Variants in NUFIP2 observed in about 807,000 individuals in gnomAD.
NUFIP2 encodes the protein nuclear FMR1 interacting protein 2, also known as FMR1-interacting protein NUFIP2.
In NUFIP2, 6 loss-of-function variants were observed where a neutral mutation model predicts 56.9. That is an observed-to-expected ratio of 0.11 (90% CI 0.06 to 0.21). The LOEUF (loss-of-function observed/expected upper bound fraction) is 0.21, where lower values mean the gene tolerates loss of function less well. Among genes scored for constraint, NUFIP2 ranks in the 10% least tolerant of loss-of-function variants. The probability of loss-of-function intolerance (pLI) is 1.00; values close to 1 mark genes in which losing one functional copy is unlikely to be tolerated. For synonymous variants in NUFIP2, 321 were observed against 298.2 expected (o/e 1.08, Z -0.79); for missense variants, 828 against 826.8 (o/e 1.00, Z -0.02).
At chr17:29,292,356 A>G (rs1438641478) in intron 1 of NUFIP2, among the ~76,000 whole-genome samples, 1 of 151,604 alleles carries the variant, frequency 6.6e-6, no homozygotes, top group Non-Finnish European at 1.5e-5. Context: ...ACACTACCCA[A>G]GCTCAGAAGG....
At chr17:29,285,077 C>T (rs937928829) in intron 2 of NUFIP2, among the ~76,000 whole-genome samples, 7 of 151,420 alleles carry the variant, frequency 4.6e-5, no homozygotes, top group African/African-American at 1.5e-4. Context: ...CAGAGGCGGG[C>T]GGATCACGAG....
rs545405885 is a variant in NUFIP2, at chr17:29,294,125, T to G, written c.-66A>C. 1.8e-5 allele frequency: 28 copies of G among 1,529,678 alleles called. No homozygotes were observed. The highest frequency in any genetic ancestry group is 2.2e-4 in the Middle Eastern group (1 of 4,628). The allele number at this position is 1,529,678 out of a possible 1,614,324, so 94.8% of individuals were successfully genotyped here. A position where few individuals can be genotyped will look rare whatever the true frequency, so the allele number is the denominator to read the frequency against. On this transcript the variant is annotated 5_prime_UTR_variant, in exon 1 of 4. Transcript: ENST00000225388. ...TGCACCGTCAGGATCTGAGACTGCT[T>G]CTCAGGGCTCACTCAGTATATCTGA...
intron 2 of NUFIP2, among the ~76,000 whole-genome samples, chr17:29,273,031 TATAC>T (rs200047003): frequency 1.1e-5 from 1 of 94,848 alleles, no homozygotes; most frequent in Non-Finnish European, 2.1e-5. Flanking sequence ...TATATATATA[TATAC>T]ACACACACAC....
rs2069172801 is a variant in NUFIP2 at position 29,286,216 on chromosome 17, A to G, written c.1778T>C (p.Leu593Ser). 6.2e-7 allele frequency: 1 copy of G among 1,614,150 alleles called. No individual in the cohort carries two copies. The highest frequency in any genetic ancestry group is 1.7e-5 in the Admixed American group (1 of 60,010). ...GTTSESGALS[L>S]EPSHIGDLQK... ...CAGGTCACCTATATGACTGGGTTCC[A>G]AGGATAAGGCTCCACTCTCACTAGT... Residue 593 changes from leucine to serine, a missense_variant, in exon 2 of 4, where the codon TTG (leucine) becomes TCG (serine). Around this residue, in one of 3 missense-constraint regions of NUFIP2, gnomAD observed 404 missense variants for 380.3 expected, o/e 1.06. Coordinates refer to ENST00000225388, the MANE Select transcript of NUFIP2 (RefSeq NM_020772.3).
intron 3 of NUFIP2, among the ~76,000 whole-genome samples, chr17:29,265,183 A>G (rs1221025566): frequency 6.6e-6 from 1 of 152,218 alleles, no homozygotes; most frequent in Non-Finnish European, 1.5e-5. Context: ...TTCAAAACAT[A>G]AAACTGTTAG....
At chr17:29,276,048 A>C (rs1344143440) in intron 2 of NUFIP2, among the ~76,000 whole-genome samples, 1 of 150,676 alleles carries the variant, frequency 6.6e-6, no homozygotes, top group Non-Finnish European at 1.5e-5. Flanking sequence ...ATATATATAT[A>C]TCTGAAAGTG....
chr17:29,274,409 G>T (rs549418298), intron 2 of NUFIP2, among the ~76,000 whole-genome samples: 2 of 152,288 alleles, frequency 1.3e-5, no homozygotes, highest in South Asian at 4.1e-4. Context: ...AGAATTCAAG[G>T]AGGCAATGAG....
In NUFIP2 at chr17:29,286,130, C is replaced by T; in HGVS notation, c.1864G>A (p.Glu622Lys). ...LVFLSKDYEIESQNPLASPTN... is the reference protein window; with the variant it reads ...LVFLSKDYEIKSQNPLASPTN... ...GGAGAGGCCAGAGGATTTTGACTTT[C>T]TATCTCGTAGTCCTTTGAGAGAAAC... The change falls in exon 2 of 4, where the codon GAA becomes AAA. Residue 622 changes from glutamate to lysine, a missense_variant. By Grantham distance (56) the Glu-to-Lys change is moderately conservative. Coordinates refer to ENST00000225388, the MANE Select transcript of NUFIP2 (RefSeq NM_020772.3). 1 of 1,614,166 alleles carries T rather than the reference C, an allele frequency of 6.2e-7. No homozygotes were observed. Among genetic ancestry groups the T allele is most frequent in the South Asian group, 1.1e-5 (1 of 91,082 alleles).
chr17:29,259,676 T>C lies in NUFIP2; in HGVS notation c.*4863A>G, dbSNP rs2068991310. 1 of 151,258 alleles carries C rather than the reference T, an allele frequency of 6.6e-6. No homozygotes were observed. The highest frequency in any genetic ancestry group is 2.4e-5 in the African/African-American group (1 of 41,144). 9.4% of individuals were successfully genotyped at this position (151,258 alleles called of 1,614,324 possible). A position where few individuals can be genotyped will look rare whatever the true frequency, so the allele number is the denominator to read the frequency against. The stretch of plus-strand genomic sequence containing the variant: ...TGTATGGAAAATAGGGAAGTCTGAA[T>C]CAGCAATCCCATCACATATGAGGAC... On this transcript the variant is annotated 3_prime_UTR_variant, in exon 4 of 4. Coordinates refer to ENST00000225388, the MANE Select transcript of NUFIP2 (RefSeq NM_020772.3).
chr17:29,285,251 G>T (rs1459051899), intron 2 of NUFIP2, among the ~76,000 whole-genome samples: 7 of 151,720 alleles, frequency 4.6e-5, no homozygotes, highest in Admixed American at 3.9e-4. Flanking sequence ...AGTGAGCCAA[G>T]ATCACACCAC....
chr17:29,293,237 C>T lies in NUFIP2; in HGVS notation c.277+546G>A, dbSNP rs963789843. On this transcript the variant is annotated intron_variant, in intron 1 of 3. Transcript: ENST00000225388. The stretch of plus-strand genomic sequence containing the variant: ...CGTGAGATGAGGGGTCCCAACAGCC[C>T]CCCCCACCGAGACGGGGAGCCCCAA... 2.0e-5 allele frequency among the ~76,000 whole-genome samples: 3 copies of T among 150,158 alleles called. No homozygotes were observed. The South Asian group carries it at 6.4e-4, about 32-fold the overall frequency.
At position 29,261,818 on chromosome 17, in the gene NUFIP2, G is replaced by A. The variant is rs1345902737; in HGVS notation, c.*2721C>T. On this transcript the variant is annotated 3_prime_UTR_variant, in exon 4 of 4. Coordinates refer to ENST00000225388, the MANE Select transcript of NUFIP2 (RefSeq NM_020772.3). Reference sequence around the variant, plus strand: ...AAAATACTGACAGTTAATATGATGGGGCACTAGGGTTCTCAGAAAGTTAAC... The same window carrying A: ...AAAATACTGACAGTTAATATGATGGAGCACTAGGGTTCTCAGAAAGTTAAC... The A allele has an allele frequency of 1.3e-5, 2 of 152,484 alleles. No individual in the cohort carries two copies. Among genetic ancestry groups the A allele is most frequent in the African/African-American group, 4.8e-5 (2 of 41,416 alleles). 9.4% of individuals were successfully genotyped at this position (152,484 alleles called of 1,614,324 possible). A position where few individuals can be genotyped will look rare whatever the true frequency, so the allele number is the denominator to read the frequency against.
chr17:29,281,965 T>C (rs1263757838), intron 2 of NUFIP2, among the ~76,000 whole-genome samples: 1 of 151,604 alleles, frequency 6.6e-6, no homozygotes, highest in Non-Finnish European at 1.5e-5. Flanking sequence ...GGGGTTTCAC[T>C]GTTAGCCAGG....
chr17:29,293,726 CATCTCTCCTGTCCT>C, intron 1 of NUFIP2, 43 bp downstream of exon 1: 1 of 1,302,706 alleles, frequency 7.7e-7, no homozygotes, highest in South Asian at 1.5e-5. Context: ...GCCCCACCCC[CATCTCTCCTGTCCT>C]CCACCCCCAA....
At chr17:29,270,829 G>GA (rs2069067756) in intron 2 of NUFIP2, among the ~76,000 whole-genome samples, 3 of 151,766 alleles carry the variant, frequency 2.0e-5, no homozygotes, top group Admixed American at 2.0e-4. Flanking sequence ...TAAGAAAAAA[G>GA]AAAGAAAAGA....
intron 1 of NUFIP2, among the ~76,000 whole-genome samples, chr17:29,288,329 G>C (rs1032198771): frequency 3.3e-5 from 5 of 152,266 alleles, no homozygotes; most frequent in Non-Finnish European, 1.5e-5. Flanking sequence ...ACAGGCGTGA[G>C]CCACACGCCC....
rs1465677871 is a variant in NUFIP2, at chr17:29,263,667, T to G, written c.*872A>C. ...AAGCAGAATATATTTTTGCTCCCAGTTATACAATTACATTAAAATATGGGC... is the reference window on the plus strand; with the variant it reads ...AAGCAGAATATATTTTTGCTCCCAGGTATACAATTACATTAAAATATGGGC... On this transcript the variant is annotated 3_prime_UTR_variant, in exon 4 of 4. Transcript: ENST00000225388. The G allele has an allele frequency of 6.6e-6, 1 of 152,632 alleles. No homozygotes were observed. The highest frequency in any genetic ancestry group is 1.5e-5 in the Non-Finnish European group (1 of 68,040). The allele number at this position is 152,632 out of a possible 1,614,324, so 9.5% of individuals were successfully genotyped here.
intron 1 of NUFIP2, among the ~76,000 whole-genome samples, chr17:29,290,664 AAAAGAAAGAAAG>A (rs200345148): frequency 1.5e-3 from 222 of 147,364 alleles, no homozygotes; most frequent in African/African-American, 5.5e-3. Context: ...AAAAAAAAAA[AAAAGAAAGAAAG>A]AAAGAAAGAA....
In NUFIP2 at chr17:29,286,157, C is replaced by A; in HGVS notation, c.1837G>T (p.Val613Leu). 6.2e-7 allele frequency: 1 copy of A among 1,614,092 alleles called. No homozygotes were observed. The highest frequency in any genetic ancestry group is 8.5e-7 in the Non-Finnish European group (1 of 1,179,996). The change falls in exon 2 of 4, where the codon GTG (valine) becomes TTG (leucine). Residue 613 changes from valine to leucine, a missense_variant. Coordinates refer to ENST00000225388, the MANE Select transcript of NUFIP2 (RefSeq NM_020772.3). ...KADTSSQGAL[V>L]FLSKDYEIES... ...ATCTCGTAGTCCTTTGAGAGAAACA[C>A]TAAAGCACCTTGACTACTGGTGTCT... is the stretch of plus-strand genomic sequence containing the variant.
Sources: gnomAD v4.1 joint callset for allele counts (sites outside exome capture counted in the v4.1 genomes callset) on GRCh38, gnomAD v4.1.1 for gene constraint, gnomAD v4.1.1 regional missense constraint, MANE v1.5 for transcripts, NCBI Gene and HGNC (gene_info 2026-07-23, HGNC 2026-07-21) for gene names.